TADA2A: variants seen among roughly 807,000 people sequenced by gnomAD.
The protein encoded by TADA2A is transcriptional adaptor 2A, also known as transcriptional adapter 2-alpha.
TADA2A carries 38 observed loss-of-function variants against 67.4 expected under a neutral mutation model. That is an observed-to-expected ratio of 0.56 (90% confidence interval 0.44 to 0.74). The LOEUF is 0.74. Ranked by LOEUF, TADA2A falls within the 30% of genes least tolerant of loss-of-function variation. TADA2A has a pLI of 0.00. For missense variants in TADA2A, 454 were observed against 547.0 expected (o/e 0.83, Z 1.70); for synonymous variants, 192 against 181.6 (o/e 1.06, Z -0.46).
At chr17:37,433,681 G>A (rs529202186) in intron 4 of TADA2A, among the ~76,000 whole-genome samples, 43 of 151,714 alleles carry the variant, frequency 2.8e-4, no homozygotes, top group Non-Finnish European at 5.4e-4. Context: ...GGCTGAGCTC[G>A]GTTCCTCATG....
At chr17:37,453,272 TATC>T (rs1335779438) in intron 8 of TADA2A, among the ~76,000 whole-genome samples, 6 of 152,232 alleles carry the variant, frequency 3.9e-5, no homozygotes, top group Non-Finnish European at 7.3e-5. Flanking sequence ...TTATCTCTAT[TATC>T]AGGGTTATTA....
chr17:37,411,345 GC>G lies in TADA2A; in HGVS notation c.-20del. 6.2e-7 allele frequency: 1 copy of G among 1,613,870 alleles called. No individual in the cohort carries two copies. Among genetic ancestry groups the G allele is most frequent in the South Asian group, 1.1e-5 (1 of 91,068 alleles). The stretch of plus-strand genomic sequence containing the variant: ...AGCTCTGCTGAGGAAGACCAAAGCA[GC>G]ACTCGTTGCCAATTAGGGAATGGAC... On this transcript the variant is annotated 5_prime_UTR_variant, in exon 2 of 16. Transcript: ENST00000615182.
intron 1 of TADA2A, chr17:37,408,651 C>G (rs1412197617): frequency 2.0e-5 from 3 of 152,168 alleles, no homozygotes; most frequent in African/African-American, 4.8e-5. Context: ...GCAGCTTGCC[C>G]CAAAAGTGTG....
intron 12 of TADA2A, among the ~76,000 whole-genome samples, chr17:37,470,144 T>C (rs1189568302): frequency 1.3e-5 from 2 of 152,210 alleles, no homozygotes; most frequent in African/African-American, 4.8e-5. Context: ...CTTTGTACTT[T>C]TCTGTTGGTT....
chr17:37,429,636 T>G (rs1487991561), intron 4 of TADA2A, among the ~76,000 whole-genome samples: 1 of 152,110 alleles, frequency 6.6e-6, no homozygotes, highest in African/African-American at 2.4e-5. Flanking sequence ...TTTACTTCAG[T>G]CTCTTAAAAG....
At chr17:37,467,267 CTGGAGTAGGTTTT>C (rs2053685389) in intron 11 of TADA2A, among the ~76,000 whole-genome samples, 174 bp from the exon 12 acceptor site, 1 of 152,238 alleles carries the variant, frequency 6.6e-6, no homozygotes, top group Non-Finnish European at 1.5e-5. Context: ...TGGAAGATAG[CTGGAGTAGGTTTT>C]CCTCAGCTCT....
intron 11 of TADA2A, 21 bp downstream of exon 11, chr17:37,465,562 G>C (rs913091077): frequency 6.2e-7 from 1 of 1,613,930 alleles, no homozygotes; most frequent in Non-Finnish European, 8.5e-7. Context: ...TTTGAGCCTT[G>C]AGCAGTATTT....
chr17:37,437,046 CTATT>C, intron 4 of TADA2A, among the ~76,000 whole-genome samples: 1 of 151,580 alleles, frequency 6.6e-6, no homozygotes, highest in South Asian at 2.1e-4. Flanking sequence ...CGGCTGTAAA[CTATT>C]ACTACAGTTG....
chr17:37,424,882 G>A (rs1287870981), intron 3 of TADA2A, among the ~76,000 whole-genome samples: 3 of 148,374 alleles, frequency 2.0e-5, no homozygotes, highest in African/African-American at 5.0e-5. Flanking sequence ...TCTTTTCCAC[G>A]ACAGAGTCTT....
intron 10 of TADA2A, among the ~76,000 whole-genome samples, 180 bp from the exon 11 acceptor site, chr17:37,465,251 C>T (rs1234549250): frequency 1.3e-5 from 2 of 151,806 alleles, no homozygotes; most frequent in Non-Finnish European, 2.9e-5. Flanking sequence ...ATGGTGCTGT[C>T]ATTATGATTA....
intron 8 of TADA2A, among the ~76,000 whole-genome samples, chr17:37,450,191 T>G (rs2053195286): frequency 6.6e-6 from 1 of 152,228 alleles, no homozygotes; most frequent in African/African-American, 2.4e-5. Flanking sequence ...TTGGATAAGC[T>G]TGGCCTAATG....
chr17:37,435,763 A>G (rs570236267), intron 4 of TADA2A, among the ~76,000 whole-genome samples: 4 of 152,026 alleles, frequency 2.6e-5, no homozygotes, highest in African/African-American at 4.8e-5. Context: ...TAGTTTTTGT[A>G]GAGACAGGGT....
rs537630367 is a variant in TADA2A at position 37,430,510 on chromosome 17, A to G, written c.192+3501A>G. On this transcript the variant is annotated intron_variant, in intron 4 of 15. Transcript: ENST00000615182. ...GTGTTAACCAGGATTTCTGAATTCT[A>G]TGCCTATTTTTGTCTTGTAATTCTT... 5.3e-5 allele frequency among the ~76,000 whole-genome samples: 8 copies of G among 152,326 alleles called. No individual in the cohort carries two copies. In the South Asian group the frequency reaches 1.0e-3, roughly 20 times the overall value.
At chr17:37,433,315 C>T (rs2052626491) in intron 4 of TADA2A, among the ~76,000 whole-genome samples, 2 of 151,990 alleles carry the variant, frequency 1.3e-5, no homozygotes, top group Admixed American at 6.6e-5. Flanking sequence ...CTTCATCCTG[C>T]TTCCCCAAAT....
intron 3 of TADA2A, chr17:37,426,708 G>T: frequency 3.0e-6 from 1 of 338,190 alleles, no homozygotes; most frequent in Non-Finnish European, 5.3e-6. Context: ...GAAGTGGTGT[G>T]GTGGCCCACA....
chr17:37,470,123 A>T (rs2053754489), intron 12 of TADA2A, among the ~76,000 whole-genome samples: 2 of 152,352 alleles, frequency 1.3e-5, no homozygotes, highest in South Asian at 4.1e-4. Context: ...AATATGAGCA[A>T]TTCTTACTTT....
intron 2 of TADA2A, among the ~76,000 whole-genome samples, chr17:37,411,872 T>C (rs117026378): frequency 3.7e-4 from 56 of 152,132 alleles, no homozygotes; most frequent in Non-Finnish European, 7.2e-4. Flanking sequence ...ACATATTGAT[T>C]ACCCATTGAA....
chr17:37,427,049 T>A (rs1326779969), intron 4 of TADA2A, 40 bp downstream of exon 4: 4 of 1,526,736 alleles, frequency 2.6e-6, no homozygotes, highest in Non-Finnish European at 3.5e-6. Flanking sequence ...TCACTTTTTT[T>A]AAGAATTAGA....
At chr17:37,439,134 A>G (rs1035423049) in intron 5 of TADA2A, among the ~76,000 whole-genome samples, 1 of 152,016 alleles carries the variant, frequency 6.6e-6, no homozygotes, top group Admixed American at 6.6e-5. Flanking sequence ...AGACAGTCTC[A>G]CTTTATCACC....
Sources: allele counts gnomAD v4.1 joint callset (sites outside exome capture counted in the v4.1 genomes callset), GRCh38; gene constraint gnomAD v4.1.1; transcripts MANE v1.5; gene names NCBI Gene and HGNC (gene_info 2026-07-23, HGNC 2026-07-21).